Variants in ZNF804B observed in about 807,000 individuals in gnomAD.
The protein encoded by ZNF804B is zinc finger protein 804B.
Under a neutral mutation model 101.4 loss-of-function variants are expected in ZNF804B, and 80 were observed. The observed-to-expected ratio is 0.79, with a 90% CI of 0.66 to 0.95. The LOEUF (loss-of-function observed/expected upper bound fraction) is 0.95, where lower values mean the gene tolerates loss of function less well. Among genes scored for constraint, ZNF804B ranks in the 40% least tolerant of loss-of-function variants. The pLI is 0.00. For synonymous variants in ZNF804B, 622 were observed against 558.8 expected (o/e 1.11, Z -1.59); for missense variants, 1,673 against 1,561.9 (o/e 1.07, Z -1.20).
At chr7:89,198,863 C>T (rs2115642472) in intron 1 of ZNF804B, among the ~76,000 whole-genome samples, 1 of 152,030 alleles carries the variant, frequency 6.6e-6, no homozygotes, top group East Asian at 1.9e-4. Flanking sequence ...CCATCTGTAG[C>T]AGAAAGCAGA....
chr7:89,055,825 T>C (rs554844654), intron 1 of ZNF804B, among the ~76,000 whole-genome samples: 74 of 152,092 alleles, frequency 4.9e-4, no homozygotes, highest in African/African-American at 1.7e-3. Flanking sequence ...GGAACAAGTG[T>C]ATAATTATGC....
chr7:89,293,813 T>C (rs1455633513), intron 2 of ZNF804B, among the ~76,000 whole-genome samples: 1 of 151,840 alleles, frequency 6.6e-6, no homozygotes, highest in Non-Finnish European at 1.5e-5. Context: ...AAAAAAAGAA[T>C]GCAGAAATGG....
At chr7:89,121,678 TTTAA>T (rs1790407862) in intron 1 of ZNF804B, among the ~76,000 whole-genome samples, 1 of 152,196 alleles carries the variant, frequency 6.6e-6, no homozygotes. Context: ...TTTCTATACT[TTTAA>T]TTAATAAAGA....
intron 1 of ZNF804B, among the ~76,000 whole-genome samples, chr7:89,042,177 T>C (rs1789025780): frequency 6.6e-6 from 1 of 152,166 alleles, no homozygotes; most frequent in African/African-American, 2.4e-5. Context: ...AGCTTTAATA[T>C]TTACTTGCTG....
At chr7:89,264,068 C>A (rs1425928923) in intron 2 of ZNF804B, among the ~76,000 whole-genome samples, 1 of 152,172 alleles carries the variant, frequency 6.6e-6, no homozygotes. Context: ...TTAATTTCCT[C>A]CTTGTCACTT....
chr7:88,857,295 A>C (rs950758492), intron 1 of ZNF804B, among the ~76,000 whole-genome samples: 3 of 152,216 alleles, frequency 2.0e-5, no homozygotes, highest in Admixed American at 6.5e-5. Flanking sequence ...GACACAAAAA[A>C]ACCCTCCAAA....
intron 1 of ZNF804B, among the ~76,000 whole-genome samples, chr7:88,999,251 T>C (rs1788249075): frequency 6.6e-6 from 1 of 152,064 alleles, no homozygotes; most frequent in Admixed American, 6.6e-5. Context: ...AACTCAAAGT[T>C]CTATAAAAAG....
At position 89,162,652 on chromosome 7, in the gene ZNF804B, T is replaced by TTTATTA. The variant is rs10658439; in HGVS notation, c.109-55489_109-55484dup. 9.7e-4 allele frequency among the ~76,000 whole-genome samples: 144 copies of TTTATTA among 148,124 alleles called. 1 individual carries two copies. The highest frequency in any genetic ancestry group is 1.3e-3 in the African/African-American group (51 of 40,398). ...TATATTTATGGGCTTTAAATATTCT[T>TTTATTA]TTATTATTATTATTATTATACTTTA... is the stretch of plus-strand genomic sequence containing the variant. On this transcript the variant is annotated intron_variant, in intron 1 of 3. Coordinates refer to ENST00000333190, the MANE Select transcript of ZNF804B (RefSeq NM_181646.5).
chr7:89,291,879 G>A (rs1371192112), intron 2 of ZNF804B, among the ~76,000 whole-genome samples: 1 of 152,084 alleles, frequency 6.6e-6, no homozygotes, highest in African/African-American at 2.4e-5. Flanking sequence ...GATCCTAAAA[G>A]CAGCAAGAGA....
chr7:89,062,592 A>G (rs1425093630), intron 1 of ZNF804B, among the ~76,000 whole-genome samples: 1 of 152,142 alleles, frequency 6.6e-6, no homozygotes, highest in African/African-American at 2.4e-5. Context: ...CTGATACTTA[A>G]AGTAGAGCCT....
intron 1 of ZNF804B, among the ~76,000 whole-genome samples, chr7:89,037,275 C>CA (rs1788942665): frequency 6.6e-6 from 1 of 152,004 alleles, no homozygotes; most frequent in Non-Finnish European, 1.5e-5. Context: ...TACAGACCAC[C>CA]AACATGCTTA....
chr7:89,264,095 C>G (rs1789748719), intron 2 of ZNF804B, among the ~76,000 whole-genome samples: 1 of 152,032 alleles, frequency 6.6e-6, no homozygotes, highest in African/African-American at 2.4e-5. Flanking sequence ...ATGTTTATAT[C>G]CACAACCATA....
intron 1 of ZNF804B, among the ~76,000 whole-genome samples, chr7:89,040,322 A>G (rs189093864): frequency 1.3e-5 from 2 of 150,182 alleles, no homozygotes; most frequent in Non-Finnish European, 3.0e-5. Flanking sequence ...ATTCTTTTGG[A>G]TAATTTCAAA....
chr7:89,039,169 T>C (rs1438823791), intron 1 of ZNF804B, among the ~76,000 whole-genome samples: 2 of 152,090 alleles, frequency 1.3e-5, no homozygotes, highest in Admixed American at 6.6e-5. Flanking sequence ...TGTGGTTTTA[T>C]ACTACTTTTA....
At chr7:89,186,501 T>G (rs997570804) in intron 1 of ZNF804B, among the ~76,000 whole-genome samples, 2 of 151,946 alleles carry the variant, frequency 1.3e-5, no homozygotes, top group Non-Finnish European at 2.9e-5. Context: ...CAGAAAGAAA[T>G]AAAGCAATTT....
intron 1 of ZNF804B, among the ~76,000 whole-genome samples, chr7:88,854,541 T>TTCCTTCCCTTCCCTTCCCTTCCCTTC (rs1554340270): frequency 1.1e-5 from 1 of 88,622 alleles, no homozygotes; most frequent in Non-Finnish European, 2.1e-5. Context: ...CTTCCTTCCT[T>TTCCTTCCCTTCCCTTCCCTTCCCTTC]CCTTCCTTCC....
intron 1 of ZNF804B, among the ~76,000 whole-genome samples, chr7:88,955,855 A>G (rs1393606175): frequency 6.6e-6 from 1 of 151,696 alleles, no homozygotes; most frequent in Non-Finnish European, 1.5e-5. Flanking sequence ...TACTCATCCA[A>G]CTAGGGACTA....
At chr7:88,890,409 G>C (rs1411122789) in intron 1 of ZNF804B, among the ~76,000 whole-genome samples, 1 of 152,150 alleles carries the variant, frequency 6.6e-6, no homozygotes, top group Non-Finnish European at 1.5e-5. Flanking sequence ...CATGAGAGCT[G>C]GTATTGCATG....
intron 1 of ZNF804B, among the ~76,000 whole-genome samples, chr7:89,019,068 TGTTA>T (rs924030631): frequency 1.3e-5 from 2 of 152,040 alleles, no homozygotes; most frequent in African/African-American, 4.8e-5. Context: ...TAGGGAGCAT[TGTTA>T]GTTTGTTTGT....
Sources: allele counts gnomAD v4.1 joint callset (sites outside exome capture counted in the v4.1 genomes callset), GRCh38; gene constraint gnomAD v4.1.1; transcripts MANE v1.5; gene names NCBI Gene and HGNC (gene_info 2026-07-23, HGNC 2026-07-21).